Variants in NUP160 observed in about 807,000 individuals in gnomAD.
NUP160 encodes nucleoporin 160, also known as nuclear pore complex protein Nup160.
A neutral mutation model predicts 196.9 loss-of-function variants in NUP160; 94 were observed. The observed-to-expected ratio is 0.48, with a 90% CI of 0.40 to 0.57. NUP160 has a LOEUF of 0.57. NUP160 is among the 20% of genes least tolerant of loss of function. NUP160 has a pLI of 0.00. For synonymous variants in NUP160, 605 were observed against 619.7 expected, an observed-to-expected ratio of 0.98 and a Z score of 0.35; for missense variants, 1,638 against 1,748.3, an observed-to-expected ratio of 0.94 and a Z score of 1.13.
exon 32 of NUP160, chr11:47,786,510 G>C: frequency 6.2e-7 from 1 of 1,614,004 alleles, no homozygotes; most frequent in Non-Finnish European, 8.5e-7. Context: ...CCAGGCCCAG[G>C]CTTCTGCTTG....
Position 47,786,666 on chromosome 11 carries a change from A to T in NUP160, c.3747-112T>A, listed in dbSNP as rs574545514. On this transcript the variant is annotated intron_variant, in intron 31 of 35. Coordinates refer to ENST00000378460, the Ensembl canonical transcript of NUP160. ...AACTTCATCTCTAGTCTTTTGCTGA[A>T]TTCACTACTGGAATATTGGCTCATC... The T allele has an allele frequency of 5.9e-6, 4 of 678,360 alleles. No individual in the cohort carries two copies. The South Asian group carries it at 6.8e-5, about 12-fold the overall frequency. 42.0% of individuals were successfully genotyped at this position (678,360 alleles called of 1,614,324 possible). A position where few individuals can be genotyped will look rare whatever the true frequency, so the allele number is the denominator to read the frequency against.
Position 47,832,969 on chromosome 11 carries a change from T to C in NUP160, c.1101+2682A>G, listed in dbSNP as rs1193882195. Among the ~76,000 whole-genome samples the C allele has an allele frequency of 2.0e-5, 3 of 152,118 alleles. No homozygotes were observed. In the East Asian group the frequency reaches 5.8e-4, roughly 29 times the overall value. On this transcript the variant is annotated intron_variant, in intron 7 of 35. Coordinates refer to ENST00000378460, the Ensembl canonical transcript of NUP160. The stretch of plus-strand genomic sequence containing the variant: ...ATAGAGACAGAAAATAGATTAGCAG[T>C]TGTGTAGAGCTGGGAAGAAATGGGG...
chr11:47,817,858 C>T (rs1437451912), intron 11 of NUP160, among the ~76,000 whole-genome samples, 198 bp downstream of exon 11: 2 of 151,944 alleles, frequency 1.3e-5, no homozygotes, highest in African/African-American at 4.8e-5. Flanking sequence ...AAAGTGGTCC[C>T]CCCTCCAACC....
At chr11:47,806,481 A>G (rs1277027803) in intron 19 of NUP160, 169 bp from the exon 20 acceptor site, 1 of 540,576 alleles carries the variant, frequency 1.8e-6, no homozygotes, top group Admixed American at 3.2e-5. Context: ...TAGTCTGTAA[A>G]TTGTGAGGCA....
chr11:47,816,390 G>A (rs1338420291), intron 11 of NUP160, among the ~76,000 whole-genome samples: 1 of 152,128 alleles, frequency 6.6e-6, no homozygotes, highest in Admixed American at 6.6e-5. Flanking sequence ...TGTTTTATGT[G>A]GGAGGTCAGT....
chr11:47,810,548 CTT>C (rs747018018), intron 17 of NUP160, among the ~76,000 whole-genome samples: 52 of 139,176 alleles, frequency 3.7e-4, no homozygotes, highest in Non-Finnish European at 3.0e-4. Flanking sequence ...TTTATAATTT[CTT>C]TTTTTTTTTT....
intron 7 of NUP160, among the ~76,000 whole-genome samples, chr11:47,823,874 C>T (rs1393164757): frequency 6.6e-6 from 1 of 151,616 alleles, no homozygotes; most frequent in East Asian, 1.9e-4. Context: ...ACTGTACGTA[C>T]ATGCAACAGG....
intron 33 of NUP160, 88 bp downstream of exon 33, chr11:47,784,834 A>G (rs940922454): frequency 4.8e-6 from 5 of 1,032,160 alleles, no homozygotes; most frequent in Middle Eastern, 4.5e-4. Flanking sequence ...GAGCCACTGC[A>G]ATCAGTCCAT....
At chr11:47,780,278 A>T in intron 35 of NUP160, 65 bp downstream of exon 35, 1 of 1,126,222 alleles carries the variant, frequency 8.9e-7, no homozygotes, top group Non-Finnish European at 1.3e-6. Flanking sequence ...CTGAAGATCA[A>T]GCTGTAAGGT....
intron 1 of NUP160, 116 bp downstream of exon 1, chr11:47,848,103 C>T: frequency 7.4e-7 from 1 of 1,344,866 alleles, no homozygotes; most frequent in African/African-American, 1.4e-5. Flanking sequence ...TCTCTGATCC[C>T]GGGGCTAGAG....
intron 9 of NUP160, among the ~76,000 whole-genome samples, chr11:47,820,013 T>TA (rs1158594899): frequency 6.6e-6 from 1 of 152,204 alleles, no homozygotes; most frequent in African/African-American, 2.4e-5. Context: ...GTGCTTTTTT[T>TA]ATCTTCCCAG....
chr11:47,799,049 G>A (rs1294539531), intron 23 of NUP160, among the ~76,000 whole-genome samples: 4 of 150,588 alleles, frequency 2.7e-5, no homozygotes, highest in African/African-American at 9.8e-5. Flanking sequence ...AAACACCATA[G>A]TTTTATAAAA....
chr11:47,792,043 T>C, intron 28 of NUP160, 53 bp from the exon 29 acceptor site: 1 of 1,251,424 alleles, frequency 8.0e-7, no homozygotes, highest in South Asian at 1.3e-5. Context: ...TTTATTCTGA[T>C]ATCATTAACG....
rs200354500 is a variant in NUP160, at chr11:47,812,314, C to T, written c.2068G>A (p.Gly690Arg). ...TTCTGTCATTTACCTGGATTGAATC[C>T]CTTTTCCATTTCCACTTCTGTTTCA... Residue 690 changes from glycine to arginine, a missense_variant, in exon 16 of 36, where the codon GGA becomes AGA. Gly to Arg is a moderately radical substitution (Grantham distance 125). Transcript: ENST00000378460. 3.8e-5 allele frequency: 62 copies of T among 1,613,804 alleles called. No homozygotes were observed. Among genetic ancestry groups the T allele is most frequent in the Non-Finnish European group, 8.5e-7 (1 of 1,179,968 alleles).
At chr11:47,848,316 C>T (rs1289090333) in exon 1 of NUP160, 1 of 1,614,010 alleles carries the variant, frequency 6.2e-7, no homozygotes. Flanking sequence ...CCGCCGCCGC[C>T]ATCTTCCCGC....
At chr11:47,834,301 T>A (rs1387463955) in intron 7 of NUP160, among the ~76,000 whole-genome samples, 1 of 152,122 alleles carries the variant, frequency 6.6e-6, no homozygotes, top group Admixed American at 6.5e-5. Flanking sequence ...GTTACATGAA[T>A]AACAATGGAA....
chr11:47,825,204 A>T (rs1851945002), intron 7 of NUP160, among the ~76,000 whole-genome samples: 1 of 152,150 alleles, frequency 6.6e-6, no homozygotes, highest in Non-Finnish European at 1.5e-5. Context: ...TCCTGGTATC[A>T]AGTGATCCTT....
At chr11:47,809,256 C>CAAAAAAA (rs35748617) in intron 17 of NUP160, among the ~76,000 whole-genome samples, 1 of 94,748 alleles carries the variant, frequency 1.1e-5, no homozygotes. Flanking sequence ...GAACTTGTCT[C>CAAAAAAA]AAAAAAAAAA....
At chr11:47,843,283 A>C (rs1362212307) in intron 2 of NUP160, among the ~76,000 whole-genome samples, 1 of 152,090 alleles carries the variant, frequency 6.6e-6, no homozygotes, top group East Asian at 1.9e-4. Context: ...TTGTACGACT[A>C]CTGCAGCAAT....
Sources: allele counts gnomAD v4.1 joint callset (sites outside exome capture counted in the v4.1 genomes callset), GRCh38; gene constraint gnomAD v4.1.1; transcripts MANE v1.5; gene names NCBI Gene and HGNC (gene_info 2026-07-23, HGNC 2026-07-21).